Variants in KCNB2 observed in about 807,000 individuals in gnomAD.
KCNB2 encodes the protein potassium voltage-gated channel subfamily B member 2.
Under a neutral mutation model 61.5 loss-of-function variants are expected in KCNB2, and 15 were observed. The observed-to-expected ratio is 0.24, with a 90% CI of 0.16 to 0.38. KCNB2 has a LOEUF of 0.38. Ranked by LOEUF, KCNB2 falls within the 10% of genes least tolerant of loss-of-function variation. The pLI is 1.00. For missense variants in KCNB2, 828 were observed against 1,125.2 expected (o/e 0.74, Z 3.78); for synonymous variants, 457 against 446.0 (o/e 1.02, Z -0.31).
intron 2 of KCNB2, among the ~76,000 whole-genome samples, chr8:72,916,740 A>G (rs1209842915): frequency 6.6e-6 from 1 of 152,180 alleles, no homozygotes; most frequent in African/African-American, 2.4e-5. Context: ...CTCAGCAGGA[A>G]GGGGAGCTAA....
chr8:72,696,691 C>T (rs1807023316), intron 2 of KCNB2, among the ~76,000 whole-genome samples: 1 of 152,148 alleles, frequency 6.6e-6, no homozygotes, highest in South Asian at 2.1e-4. Context: ...ATCTTGGATT[C>T]TGCTGTATTA....
At chr8:72,631,847 C>T (rs1190437426) in intron 2 of KCNB2, among the ~76,000 whole-genome samples, 2 of 152,140 alleles carry the variant, frequency 1.3e-5, no homozygotes, top group African/African-American at 4.8e-5. Context: ...GCTCCTTGTT[C>T]AAATGCAGCA....
chr8:72,611,358 G>A (rs926789678), intron 2 of KCNB2, among the ~76,000 whole-genome samples: 7 of 152,120 alleles, frequency 4.6e-5, no homozygotes, highest in Admixed American at 1.3e-4. Context: ...TAGGGTCACC[G>A]TATTTTCAGA....
At chr8:72,786,429 C>T (rs940766878) in intron 2 of KCNB2, among the ~76,000 whole-genome samples, 1 of 152,118 alleles carries the variant, frequency 6.6e-6, no homozygotes, top group African/African-American at 2.4e-5. Context: ...ATTCTTTATA[C>T]TTTATTCTCC....
intron 2 of KCNB2, among the ~76,000 whole-genome samples, chr8:72,884,925 CATAAGAATCT>C (rs1563413075): frequency 2.0e-5 from 3 of 152,100 alleles, no homozygotes. Context: ...TGTCATGTGT[CATAAGAATCT>C]CTATTGGGAT....
At chr8:72,670,575 C>T (rs1806547760) in intron 2 of KCNB2, among the ~76,000 whole-genome samples, 1 of 152,122 alleles carries the variant, frequency 6.6e-6, no homozygotes, top group South Asian at 2.1e-4. Context: ...AGTTTCAATG[C>T]CTATATGATT....
chr8:72,749,756 C>T (rs1808154959), intron 2 of KCNB2, among the ~76,000 whole-genome samples: 1 of 138,834 alleles, frequency 7.2e-6, no homozygotes, highest in African/African-American at 2.7e-5. Context: ...TTGTATATGC[C>T]AATATATATT....
intron 2 of KCNB2, among the ~76,000 whole-genome samples, chr8:72,931,927 C>T (rs977347489): frequency 3.3e-5 from 5 of 152,144 alleles, no homozygotes; most frequent in African/African-American, 7.2e-5. Context: ...GCACAAGAAT[C>T]GCTTATGTCT....
intron 2 of KCNB2, among the ~76,000 whole-genome samples, chr8:72,583,693 T>C (rs555257179): frequency 8.0e-4 from 122 of 151,950 alleles, no homozygotes; most frequent in African/African-American, 2.8e-3. Context: ...AAATAGAAAA[T>C]TGAAAAGATG....
intron 2 of KCNB2, among the ~76,000 whole-genome samples, chr8:72,587,815 A>G (rs893577542): frequency 5.9e-5 from 9 of 152,218 alleles, no homozygotes; most frequent in African/African-American, 2.2e-4. Flanking sequence ...TTTATTTGTT[A>G]AAGTTGTTAA....
chr8:72,788,379 T>C (rs576441553), intron 2 of KCNB2, among the ~76,000 whole-genome samples: 1 of 152,256 alleles, frequency 6.6e-6, no homozygotes, highest in South Asian at 2.1e-4. Context: ...ATTTTCTTTG[T>C]GCGCACATAA....
intron 2 of KCNB2, among the ~76,000 whole-genome samples, chr8:72,573,377 C>T (rs756696871): frequency 6.6e-5 from 10 of 152,216 alleles, no homozygotes; most frequent in Non-Finnish European, 1.5e-4. Flanking sequence ...GCCAAGTGAA[C>T]AGCTTGGGCT....
At chr8:72,822,518 C>T (rs1351368936) in intron 2 of KCNB2, among the ~76,000 whole-genome samples, 4 of 152,208 alleles carry the variant, frequency 2.6e-5, no homozygotes, top group African/African-American at 9.7e-5. Context: ...GCATCTCTCA[C>T]TCACTGTCTC....
intron 2 of KCNB2, among the ~76,000 whole-genome samples, chr8:72,784,833 C>G (rs1808821735): frequency 2.6e-5 from 4 of 152,138 alleles, no homozygotes; most frequent in African/African-American, 9.7e-5. Context: ...AGGCCAGGGA[C>G]TATTCGTCTT....
intron 2 of KCNB2, among the ~76,000 whole-genome samples, chr8:72,855,697 A>G (rs1283583880): frequency 1.3e-5 from 2 of 152,198 alleles, no homozygotes; most frequent in Non-Finnish European, 2.9e-5. Flanking sequence ...AGATTATTAG[A>G]CTAACTGAGC....
chr8:72,851,493 A>G (rs1440474765), intron 2 of KCNB2, among the ~76,000 whole-genome samples: 2 of 152,172 alleles, frequency 1.3e-5, no homozygotes, highest in Middle Eastern at 3.2e-3. Flanking sequence ...AAAGAATTGG[A>G]CATGGGTACC....
chr8:72,751,039 T>C (rs1239514204), intron 2 of KCNB2: 2 of 152,122 alleles, frequency 1.3e-5, no homozygotes, highest in African/African-American at 4.8e-5. Context: ...AAGGCTACCC[T>C]GCCTGTATCA....
At chr8:72,673,042 G>T (rs1477597511) in intron 2 of KCNB2, among the ~76,000 whole-genome samples, 1 of 152,128 alleles carries the variant, frequency 6.6e-6, no homozygotes, top group African/African-American at 2.4e-5. Flanking sequence ...TCTCACCTCT[G>T]GGTATATACC....
chr8:72,732,858 A>G (rs941670772), intron 2 of KCNB2, among the ~76,000 whole-genome samples: 2 of 152,206 alleles, frequency 1.3e-5, no homozygotes, highest in Admixed American at 1.3e-4. Context: ...CCTGTCATAA[A>G]GTATATCATC....
Sources: allele counts gnomAD v4.1 joint callset (sites outside exome capture counted in the v4.1 genomes callset), GRCh38; gene constraint gnomAD v4.1.1; transcripts MANE v1.5; gene names NCBI Gene and HGNC (gene_info 2026-07-23, HGNC 2026-07-21).